Variants in SEZ6L observed in about 807,000 individuals in gnomAD.
SEZ6L encodes seizure 6-like protein.
SEZ6L carries 37 observed loss-of-function variants against 106.2 expected under a neutral mutation model. The ratio of observed to expected loss-of-function variants is 0.35; its 90% CI spans 0.27 to 0.46. The LOEUF is 0.46. SEZ6L is among the 20% of genes least tolerant of loss of function. The pLI, the probability that SEZ6L is intolerant of heterozygous loss-of-function variation, is 1.00. For missense variants in SEZ6L, 1,172 were observed against 1,332.8 expected (o/e 0.88, Z 1.88); for synonymous variants, 541 against 570.4 (o/e 0.95, Z 0.73).
intron 12 of SEZ6L, among the ~76,000 whole-genome samples, chr22:26,361,517 AAAAAT>A (rs58800800): frequency 0.016 from 2,065 of 129,894 alleles, 44 homozygotes; most frequent in African/African-American, 0.057. Context: ...AAAAAAAAAA[AAAAAT>A]ATATATATAT....
chr22:26,266,670 A>C (rs2080202193), intron 1 of SEZ6L, among the ~76,000 whole-genome samples: 1 of 152,132 alleles, frequency 6.6e-6, no homozygotes, highest in Admixed American at 6.5e-5. Flanking sequence ...AAGTGTCCCC[A>C]TAGCTCTCAT....
intron 10 of SEZ6L, among the ~76,000 whole-genome samples, chr22:26,341,227 G>A (rs2082824589): frequency 6.6e-6 from 1 of 151,534 alleles, no homozygotes; most frequent in Non-Finnish European, 1.5e-5. Flanking sequence ...TCCTCAATGT[G>A]GCCTCCAAAC....
intron 1 of SEZ6L, among the ~76,000 whole-genome samples, chr22:26,250,611 G>T (rs2145792785): frequency 6.6e-6 from 1 of 152,262 alleles, no homozygotes; most frequent in African/African-American, 2.4e-5. Context: ...CTCCAGCTTT[G>T]TTCTTTTTGC....
At chr22:26,248,546 C>T (rs144733379) in intron 1 of SEZ6L, among the ~76,000 whole-genome samples, 70 of 152,220 alleles carry the variant, frequency 4.6e-4, no homozygotes, top group African/African-American at 1.6e-3. Context: ...CTCTTTTTCA[C>T]GGTTGAGAAA....
intron 1 of SEZ6L, among the ~76,000 whole-genome samples, chr22:26,248,137 C>A (rs1242050603): frequency 1.3e-5 from 2 of 152,214 alleles, no homozygotes; most frequent in Non-Finnish European, 2.9e-5. Context: ...GATGACAGCT[C>A]AGCATCAGGA....
intron 5 of SEZ6L, among the ~76,000 whole-genome samples, chr22:26,304,369 GAAGAAAGA>G (rs35971247): frequency 0.085 from 8,363 of 98,146 alleles, 369 homozygotes; most frequent in East Asian, 0.16. Flanking sequence ...AAAAAAGAAA[GAAGAAAGA>G]AAGAAAGAAA....
intron 1 of SEZ6L, among the ~76,000 whole-genome samples, chr22:26,178,356 A>AGGC (rs972609041): frequency 5.9e-5 from 9 of 152,198 alleles, no homozygotes; most frequent in African/African-American, 2.2e-4. Context: ...CAGGCTAGGT[A>AGGC]TCCCTCCTAG....
At chr22:26,250,993 C>G (rs1232039919) in intron 1 of SEZ6L, among the ~76,000 whole-genome samples, 1 of 152,128 alleles carries the variant, frequency 6.6e-6, no homozygotes, top group African/African-American at 2.4e-5. Flanking sequence ...AGAAGTTCCT[C>G]TGATTTTTGT....
intron 5 of SEZ6L, among the ~76,000 whole-genome samples, chr22:26,304,760 C>CT (rs200421762): frequency 2.7e-5 from 4 of 150,858 alleles, no homozygotes; most frequent in Middle Eastern, 3.4e-3. Context: ...TTCTAACTTG[C>CT]TTTTTTTTTC....
At chr22:26,373,331 C>T in intron 13 of SEZ6L, 120 bp from the exon 14 acceptor site, 1 of 804,020 alleles carries the variant, frequency 1.2e-6, no homozygotes, top group South Asian at 1.7e-5. Context: ...TAAGTAAAAA[C>T]ATACCACTAA....
At chr22:26,232,217 G>A (rs2078819251) in intron 1 of SEZ6L, among the ~76,000 whole-genome samples, 1 of 151,990 alleles carries the variant, frequency 6.6e-6, no homozygotes, top group Non-Finnish European at 1.5e-5. Flanking sequence ...AGCAACTATA[G>A]CACCAGGAAA....
At chr22:26,287,780 G>A (rs2080983806) in intron 1 of SEZ6L, among the ~76,000 whole-genome samples, 1 of 152,218 alleles carries the variant, frequency 6.6e-6, no homozygotes, top group African/African-American at 2.4e-5. Flanking sequence ...GCAGACCACA[G>A]ATGCATATCA....
At chr22:26,188,737 A>T (rs1303566085) in intron 1 of SEZ6L, among the ~76,000 whole-genome samples, 1 of 152,232 alleles carries the variant, frequency 6.6e-6, no homozygotes, top group Non-Finnish European at 1.5e-5. Context: ...CAGTTAGTTC[A>T]GGTTCAACAG....
intron 9 of SEZ6L, among the ~76,000 whole-genome samples, chr22:26,335,551 G>A (rs969542698): frequency 1.3e-5 from 2 of 152,140 alleles, no homozygotes; most frequent in Non-Finnish European, 2.9e-5. Flanking sequence ...TATTAAATGT[G>A]TGAAAGTCTC....
intron 1 of SEZ6L, among the ~76,000 whole-genome samples, chr22:26,292,035 GGA>G (rs1569447252): frequency 2.6e-5 from 1 of 38,436 alleles, no homozygotes; most frequent in East Asian, 2.7e-4. Context: ...AAGGAAGGAA[GGA>G]TGGATGGAAG....
At chr22:26,257,909 C>T (rs2079876072) in intron 1 of SEZ6L, among the ~76,000 whole-genome samples, 1 of 152,194 alleles carries the variant, frequency 6.6e-6, no homozygotes. Context: ...AAATGAGAAT[C>T]CGAACAGACT....
At chr22:26,224,836 G>A (rs964916879) in intron 1 of SEZ6L, among the ~76,000 whole-genome samples, 2 of 152,156 alleles carry the variant, frequency 1.3e-5, no homozygotes, top group Non-Finnish European at 2.9e-5. Context: ...CTATTGCCAC[G>A]ATAATGCTGT....
Position 26,369,366 on chromosome 22 carries a change from T to C in SEZ6L, c.2794+3800T>C, listed in dbSNP as rs12159771. On this transcript the variant is annotated intron_variant, in intron 13 of 16. Coordinates refer to ENST00000248933, the MANE Select transcript of SEZ6L (RefSeq NM_021115.5). ...CTTTTGTTTTTTTTTTTGAGACAGA[T>C]TCTCGCTCTGTCCCCCAGGCTGGAG... is the stretch of plus-strand genomic sequence containing the variant. Among the ~76,000 whole-genome samples the C allele has an allele frequency of 3.4e-5, 2 of 58,922 alleles. 1 individual carries two copies. Among genetic ancestry groups the C allele is most frequent in the African/African-American group, 1.3e-4 (2 of 15,718 alleles). 38.7% of individuals were successfully genotyped at this position (58,922 alleles called of 152,430 possible). A position where few individuals can be genotyped will look rare whatever the true frequency, so the allele number is the denominator to read the frequency against.
At chr22:26,170,598 C>A (rs568750756) in intron 1 of SEZ6L, among the ~76,000 whole-genome samples, 8 of 152,102 alleles carry the variant, frequency 5.3e-5, no homozygotes, top group Non-Finnish European at 1.2e-4. Flanking sequence ...CCTCTCTCCA[C>A]CCCGGTAAGG....
Sources: allele counts gnomAD v4.1 joint callset (sites outside exome capture counted in the v4.1 genomes callset), GRCh38; gene constraint gnomAD v4.1.1; transcripts MANE v1.5; gene names NCBI Gene and HGNC (gene_info 2026-07-23, HGNC 2026-07-21).